Variants in ALKBH8 observed in about 807,000 individuals in gnomAD.
ALKBH8 encodes alkB homolog 8, tRNA methyltransferase.
Under a neutral mutation model 59.8 loss-of-function variants are expected in ALKBH8, and 36 were observed. The ratio of observed to expected loss-of-function variants is 0.60; its 90% CI spans 0.46 to 0.79. The LOEUF (loss-of-function observed/expected upper bound fraction) is 0.79, where lower values mean the gene tolerates loss of function less well. Ranked by LOEUF, ALKBH8 falls within the 30% of genes least tolerant of loss-of-function variation. The pLI is 0.00. For missense variants in ALKBH8, 768 were observed against 801.0 expected (o/e 0.96, Z 0.50); for synonymous variants, 276 against 273.6 (o/e 1.01, Z -0.09).
chr11:107,504,430 A>T lies in ALKBH8; in HGVS notation c.*228T>A. ...CACAAACTGCTTCAATCACTTTTAG[A>T]AACCACCTCTCCTAGGGAAGTAGGA... On this transcript the variant is annotated 3_prime_UTR_variant, in exon 12 of 12. Transcript: ENST00000428149. 1.5e-6 allele frequency: 1 copy of T among 652,774 alleles called. No homozygotes were observed. Among genetic ancestry groups the T allele is most frequent in the Non-Finnish European group, 2.7e-6 (1 of 372,116 alleles). 40.4% of individuals were successfully genotyped at this position (652,774 alleles called of 1,614,324 possible). A position where few individuals can be genotyped will look rare whatever the true frequency, so the allele number is the denominator to read the frequency against.
intron 7 of ALKBH8, among the ~76,000 whole-genome samples, chr11:107,547,476 A>G (rs1179376944): frequency 6.6e-6 from 1 of 152,212 alleles, no homozygotes; most frequent in Non-Finnish European, 1.5e-5. Context: ...CTTTACACGC[A>G]TGGATTACTC....
chr11:107,508,690 G>A lies in ALKBH8; in HGVS notation c.1437+2197C>T, dbSNP rs189041014. The stretch of plus-strand genomic sequence containing the variant: ...CCATGCCTCCCTCCCACAGCCTCTG[G>A]TAACAACTGTTCCACTTTCTGTCTC... On this transcript the variant is annotated intron_variant, in intron 11 of 11. Transcript: ENST00000428149. Among the ~76,000 whole-genome samples, 468 of 152,182 alleles carry A rather than the reference G, an allele frequency of 3.1e-3. 2 individuals are homozygous for A. The highest frequency in any genetic ancestry group is 9.5e-3 in the African/African-American group (395 of 41,528).
chr11:107,522,299 C>T lies in ALKBH8; in HGVS notation c.1287G>A (p.Met429Ile). The T allele has an allele frequency of 1.3e-6, 2 of 1,551,194 alleles. No individual in the cohort carries two copies. Among genetic ancestry groups the T allele is most frequent in the South Asian group, 1.2e-5 (1 of 83,978 alleles). Reference sequence around the variant, plus strand: ...GAAAGTCAAAAGCAACATTACTTGCCATATATAACTCCTTATTGATGCCAA... The same window carrying T: ...GAAAGTCAAAAGCAACATTACTTGCTATATATAACTCCTTATTGATGCCAA... The part of the protein sequence containing the change: ...KYLGINKELY[M>I]IGCDRSQNLV... Residue 429 changes from methionine to isoleucine, a missense_variant and splice_region_variant, in exon 10 of 12, where the codon ATG becomes ATA. Physicochemically the swap from Met to Ile is conservative, Grantham distance 10 (BLOSUM62 1). Transcript: ENST00000428149.
chr11:107,547,198 G>A (rs1391061318), intron 7 of ALKBH8, among the ~76,000 whole-genome samples: 3 of 152,230 alleles, frequency 2.0e-5, no homozygotes, highest in South Asian at 2.1e-4. Context: ...AACGACTGAG[G>A]ATGTCAAAGA....
intron 10 of ALKBH8, among the ~76,000 whole-genome samples, chr11:107,515,131 T>TCA (rs1485812308): frequency 6.6e-6 from 1 of 152,182 alleles, no homozygotes; most frequent in Non-Finnish European, 1.5e-5. Flanking sequence ...TATACTATAG[T>TCA]CATGCAGTCA....
chr11:107,533,044 CA>C (rs900975942), intron 7 of ALKBH8, among the ~76,000 whole-genome samples: 6 of 149,082 alleles, frequency 4.0e-5, no homozygotes, highest in African/African-American at 1.2e-4. Context: ...AAGAGACAAT[CA>C]AAAAAAAAGG....
intron 8 of ALKBH8, among the ~76,000 whole-genome samples, chr11:107,530,600 AACACAC>A (rs66736211): frequency 0.011 from 1,406 of 132,164 alleles, 23 homozygotes; most frequent in African/African-American, 0.029. Context: ...CTCTCTTCCT[AACACAC>A]ACACACACAC....
intron 8 of ALKBH8, among the ~76,000 whole-genome samples, chr11:107,526,278 G>T (rs935575880): frequency 6.6e-6 from 1 of 151,898 alleles, no homozygotes. Context: ...ACCAACACTT[G>T]GTATTTTCTG....
chr11:107,546,783 A>G (rs906554234), intron 7 of ALKBH8, among the ~76,000 whole-genome samples: 2 of 152,194 alleles, frequency 1.3e-5, no homozygotes. Flanking sequence ...TTGTAGAGGG[A>G]AAACTAATGT....
chr11:107,563,095 G>C (rs977957980), intron 1 of ALKBH8, among the ~76,000 whole-genome samples: 2 of 152,204 alleles, frequency 1.3e-5, no homozygotes, highest in South Asian at 2.1e-4. Flanking sequence ...GTGAGATACA[G>C]AGTTGCAATG....
intron 7 of ALKBH8, among the ~76,000 whole-genome samples, chr11:107,543,667 A>T (rs2135552278): frequency 6.6e-6 from 1 of 152,190 alleles, no homozygotes; most frequent in African/African-American, 2.4e-5. Context: ...TATTTTATTT[A>T]ATTTAATATT....
At chr11:107,559,029 G>A (rs1025185803) in intron 2 of ALKBH8, among the ~76,000 whole-genome samples, 4 of 152,188 alleles carry the variant, frequency 2.6e-5, no homozygotes, top group East Asian at 1.9e-4. Flanking sequence ...AATCATGGGG[G>A]CCATTTCCCC....
chr11:107,551,425 G>C (rs2135571734), intron 6 of ALKBH8, among the ~76,000 whole-genome samples: 1 of 152,268 alleles, frequency 6.6e-6, no homozygotes, highest in Admixed American at 6.5e-5. Flanking sequence ...TGGGCGCGGT[G>C]GCTCATGCCT....
chr11:107,545,115 G>A (rs549034756), intron 7 of ALKBH8, among the ~76,000 whole-genome samples: 175 of 152,272 alleles, frequency 1.1e-3, no homozygotes, highest in Admixed American at 1.8e-3. Context: ...TTTGGCTTCT[G>A]AGGCTGTAAA....
At chr11:107,506,104 A>AT (rs1862373754) in intron 11 of ALKBH8, among the ~76,000 whole-genome samples, 1 of 152,212 alleles carries the variant, frequency 6.6e-6, no homozygotes, top group Non-Finnish European at 1.5e-5. Flanking sequence ...AGACATTGGA[A>AT]TTTAAGATCT....
In ALKBH8 at chr11:107,565,635, G is replaced by A. The variant is rs1475998973; in HGVS notation, c.-41C>T. On this transcript the variant is annotated 5_prime_UTR_variant, in exon 1 of 12. It adds an upstream start codon to the 5' untranslated region. Coordinates refer to ENST00000428149, the MANE Select transcript of ALKBH8 (RefSeq NM_138775.3). ...GGCTCAGGCCGGATTCTCACCATGCGTGTGCCTTCTTCTTTGCCAGCCTCT... is the reference window on the plus strand; with the variant it reads ...GGCTCAGGCCGGATTCTCACCATGCATGTGCCTTCTTCTTTGCCAGCCTCT... 20 of 1,535,596 alleles carry A rather than the reference G, an allele frequency of 1.3e-5. No individual in the cohort carries two copies. The highest frequency in any genetic ancestry group is 1.7e-5 in the Non-Finnish European group (20 of 1,146,920).
intron 1 of ALKBH8, chr11:107,565,303 C>A (rs1865087043): frequency 3.9e-6 from 2 of 513,198 alleles, no homozygotes; most frequent in African/African-American, 1.9e-5. Context: ...AGAAGCGCCA[C>A]ACTAACACGC....
In ALKBH8 at chr11:107,525,423, A is replaced by G. The variant is rs1392393809; in HGVS notation, c.1030+18T>C. ...AAACTGACTCCATTTTACAGACGAG[A>G]TAAGAGTATATACTTACTACAGTTA... On this transcript the variant is annotated intron_variant, in intron 9 of 11. Transcript: ENST00000428149. 7 of 1,530,352 alleles carry G rather than the reference A, an allele frequency of 4.6e-6. 1 individual carries two copies. The highest frequency in any genetic ancestry group is 6.1e-6 in the Non-Finnish European group (7 of 1,138,532). 94.8% of individuals were successfully genotyped at this position (1,530,352 alleles called of 1,614,324 possible).
chr11:107,551,005 C>T (rs184814429), intron 6 of ALKBH8, among the ~76,000 whole-genome samples: 2 of 152,312 alleles, frequency 1.3e-5, no homozygotes, highest in Non-Finnish European at 2.9e-5. Context: ...CATTTGATTG[C>T]TATAAACGTC....
Sources: gnomAD v4.1 joint callset for allele counts (sites outside exome capture counted in the v4.1 genomes callset) on GRCh38, gnomAD v4.1.1 for gene constraint, MANE v1.5 for transcripts, NCBI Gene and HGNC (gene_info 2026-07-23, HGNC 2026-07-21) for gene names.